SH3D19: variants seen among roughly 807,000 people sequenced by gnomAD.
SH3D19 encodes SH3 domain-containing protein 19.
A neutral mutation model predicts 112.1 loss-of-function variants in SH3D19; 58 were observed. The ratio of observed to expected loss-of-function variants is 0.52; its 90% CI spans 0.42 to 0.64. The LOEUF is 0.64. Ranked by LOEUF, SH3D19 falls within the 30% of genes least tolerant of loss-of-function variation. The pLI is 0.00. For missense variants in SH3D19, 1,090 were observed against 1,263.4 expected, an observed-to-expected ratio of 0.86 and a Z score of 2.08; for synonymous variants, 391 against 448.5, an observed-to-expected ratio of 0.87 and a Z score of 1.62.
chr4:151,135,421 A>T (rs1323949129), intron 14 of SH3D19, among the ~76,000 whole-genome samples: 190 of 87,430 alleles, frequency 2.2e-3, no homozygotes, highest in African/African-American at 2.8e-3. Context: ...TCTCTATCTC[A>T]TTTTTTTTTT....
chr4:151,136,348 ATGTT>A (rs1751854375), intron 14 of SH3D19, among the ~76,000 whole-genome samples: 1 of 151,394 alleles, frequency 6.6e-6, no homozygotes, highest in Non-Finnish European at 1.5e-5. Flanking sequence ...GGGTCTCACT[ATGTT>A]GCCCAGGCTG....
In SH3D19 at chr4:151,293,421, C is replaced by T. The variant is rs1001442029; in HGVS notation, c.112+31820G>A. On this transcript the variant is annotated intron_variant, in intron 1 of 19. Transcript: ENST00000604030. ...CTGGGAGACGGAGCTTGCTGTGAGC[C>T]GAGATTGCGCCACTGCACTCCAGCC... 1.1e-4 allele frequency among the ~76,000 whole-genome samples: 16 copies of T among 150,312 alleles called. No homozygotes were observed. The East Asian group carries it at 2.5e-3, about 24-fold the overall frequency.
chr4:151,314,609 A>G (rs17590964), intron 1 of SH3D19, among the ~76,000 whole-genome samples: 11,086 of 152,302 alleles, frequency 0.073, 567 homozygotes, highest in Non-Finnish European at 0.11. Context: ...GAAGGAAACA[A>G]TAAGATCAAG....
chr4:151,211,720 T>C (rs991701774), intron 2 of SH3D19, among the ~76,000 whole-genome samples: 3 of 152,188 alleles, frequency 2.0e-5, no homozygotes, highest in South Asian at 2.1e-4. Context: ...GCCACAACAT[T>C]CCCTTATGCC....
At chr4:151,239,788 T>A (rs904201818) in intron 1 of SH3D19, among the ~76,000 whole-genome samples, 1 of 152,230 alleles carries the variant, frequency 6.6e-6, no homozygotes, top group African/African-American at 2.4e-5. Flanking sequence ...TTCATTCTTT[T>A]ATACTTCTCC....
intron 2 of SH3D19, among the ~76,000 whole-genome samples, chr4:151,194,761 C>A (rs772288916): frequency 6.6e-6 from 1 of 151,598 alleles, no homozygotes; most frequent in African/African-American, 2.4e-5. Context: ...TTTCGTCAAA[C>A]GATTAATGTG....
chr4:151,254,834 G>A (rs933389183), intron 1 of SH3D19, among the ~76,000 whole-genome samples: 3 of 151,858 alleles, frequency 2.0e-5, no homozygotes, highest in Non-Finnish European at 2.9e-5. Context: ...ATGAGCTGTT[G>A]GGCACACCTC....
At chr4:151,291,279 T>A (rs1385005314) in intron 1 of SH3D19, 5 of 1,613,990 alleles carry the variant, frequency 3.1e-6, no homozygotes, top group Middle Eastern at 1.6e-4. Context: ...GAGCCAACAA[T>A]CTAGACTTCT....
intron 3 of SH3D19, among the ~76,000 whole-genome samples, chr4:151,182,992 C>CTTTT (rs757247209): frequency 2.9e-5 from 4 of 139,998 alleles, no homozygotes; most frequent in African/African-American, 1.1e-4. Flanking sequence ...CAAACTTTTT[C>CTTTT]TTTTTTTTTT....
intron 8 of SH3D19, among the ~76,000 whole-genome samples, chr4:151,161,414 G>A (rs1179842227): frequency 6.6e-6 from 1 of 151,936 alleles, no homozygotes; most frequent in Non-Finnish European, 1.5e-5. Context: ...ATAAAATTCT[G>A]AGGAATTGAT....
chr4:151,174,356 A>G (rs929678249), intron 7 of SH3D19, among the ~76,000 whole-genome samples: 1 of 152,180 alleles, frequency 6.6e-6, no homozygotes, highest in African/African-American at 2.4e-5. Context: ...ACAACCTATT[A>G]TAGTTTAGCT....
At chr4:151,234,861 C>T (rs1383475665) in intron 1 of SH3D19, among the ~76,000 whole-genome samples, 8 of 150,798 alleles carry the variant, frequency 5.3e-5, no homozygotes, top group African/African-American at 1.7e-4. Context: ...GATCCCACCT[C>T]GCCTCCCCAG....
At chr4:151,264,584 C>T (rs1432476076) in intron 1 of SH3D19, among the ~76,000 whole-genome samples, 1 of 151,914 alleles carries the variant, frequency 6.6e-6, no homozygotes, top group African/African-American at 2.4e-5. Context: ...ACAGAGAGTA[C>T]AGGAAGAGTC....
chr4:151,126,747 G>A (rs1358049392), intron 19 of SH3D19, among the ~76,000 whole-genome samples: 3 of 144,240 alleles, frequency 2.1e-5, no homozygotes, highest in Non-Finnish European at 4.5e-5. Context: ...GCAGTGAGCC[G>A]AGATCGCCCC....
intron 1 of SH3D19, chr4:151,227,776 G>A (rs558671837): frequency 3.0e-6 from 3 of 985,466 alleles, no homozygotes; most frequent in East Asian, 2.3e-4. Context: ...CTAAAGCCGA[G>A]CTAAAACTCT....
At chr4:151,265,485 A>G (rs985341146) in intron 1 of SH3D19, among the ~76,000 whole-genome samples, 23 of 152,006 alleles carry the variant, frequency 1.5e-4, no homozygotes, top group African/African-American at 4.8e-4. Flanking sequence ...TTTACAAATT[A>G]TCCGATACTA....
At chr4:151,143,345 C>T (rs1753354797) in intron 12 of SH3D19, among the ~76,000 whole-genome samples, 1 of 151,990 alleles carries the variant, frequency 6.6e-6, no homozygotes, top group African/African-American at 2.4e-5. Context: ...GGAAGGACAG[C>T]TATGACAGAT....
rs1212751280 is a variant in SH3D19, at chr4:151,144,169, G to T, written c.2083-119C>A. 5 of 1,593,826 alleles carry T rather than the reference G, an allele frequency of 3.1e-6. No homozygotes were observed. The East Asian group carries it at 1.1e-4, about 36-fold the overall frequency. On this transcript the variant is annotated intron_variant, in intron 11 of 19. Coordinates refer to ENST00000604030, the MANE Select transcript of SH3D19 (RefSeq NM_001378122.1). Reference sequence around the variant, plus strand: ...ATAATGTGTAATGGTAGTAACAGAGGCCAGTAATTTTTTTTTTACATTAAC... The same window carrying T: ...ATAATGTGTAATGGTAGTAACAGAGTCCAGTAATTTTTTTTTTACATTAAC...
rs750589869 is a variant in SH3D19 at position 151,174,827 on chromosome 4, G to A, written c.1377C>T (p.Tyr459=). 3 of 1,579,476 alleles carry A rather than the reference G, an allele frequency of 1.9e-6. No homozygotes were observed. The highest frequency in any genetic ancestry group is 1.8e-5 in the Admixed American group (1 of 55,828). ...CTGGGGGCCCTTCTCCCAGTGACTT[G>A]TATGCTTTGGCTTGTGATGCCCCTG... is the stretch of plus-strand genomic sequence containing the variant. ...RLAGASQAKA[Y]KSLGEGPPAN... The change falls in exon 7 of 20, where the codon TAC becomes TAT. Residue 459 remains tyrosine (Y), a synonymous_variant. Transcript: ENST00000604030.
Sources: allele counts gnomAD v4.1 joint callset (sites outside exome capture counted in the v4.1 genomes callset), GRCh38; gene constraint gnomAD v4.1.1; transcripts MANE v1.5; gene names NCBI Gene and HGNC (gene_info 2026-07-23, HGNC 2026-07-21).